Variants in EXOC6B observed in about 807,000 individuals in gnomAD.
EXOC6B encodes exocyst complex component 6B, also known as SEC15 homolog B.
Under a neutral mutation model 113.5 loss-of-function variants are expected in EXOC6B, and 54 were observed. That is an observed-to-expected ratio of 0.48 (90% CI 0.38 to 0.60). The LOEUF (loss-of-function observed/expected upper bound fraction) is 0.60. EXOC6B is among the 20% of genes least tolerant of loss of function. The probability of loss-of-function intolerance (pLI) is 0.00; values close to 1 mark genes in which losing one functional copy is unlikely to be tolerated. For synonymous variants in EXOC6B, 357 were observed against 339.0 expected, an observed-to-expected ratio of 1.05 and a Z score of -0.58; for missense variants, 797 against 977.5, an observed-to-expected ratio of 0.82 and a Z score of 2.46.
intron 5 of EXOC6B, among the ~76,000 whole-genome samples, chr2:72,729,331 AT>A (rs541588376): frequency 3.5e-4 from 52 of 149,904 alleles, no homozygotes; most frequent in East Asian, 3.3e-3. Flanking sequence ...TATACTATAT[AT>A]TTTTTTTCTT....
At chr2:72,499,629 G>A (rs1558735552) in intron 12 of EXOC6B, among the ~76,000 whole-genome samples, 1 of 151,720 alleles carries the variant, frequency 6.6e-6, no homozygotes, top group Non-Finnish European at 1.5e-5. Context: ...CTATGTTCAG[G>A]CAATCCTCTC....
At chr2:72,307,614 T>C (rs1316581164) in intron 20 of EXOC6B, among the ~76,000 whole-genome samples, 1 of 152,210 alleles carries the variant, frequency 6.6e-6, no homozygotes, top group Non-Finnish European at 1.5e-5. Flanking sequence ...GCTCTCTCAC[T>C]ACCCAGTTCA....
chr2:72,363,940 C>T (rs1487862232), intron 19 of EXOC6B, among the ~76,000 whole-genome samples: 1 of 151,912 alleles, frequency 6.6e-6, no homozygotes, highest in Admixed American at 6.6e-5. Flanking sequence ...GCATTTGGGA[C>T]CTAAGAAAAT....
intron 20 of EXOC6B, among the ~76,000 whole-genome samples, chr2:72,300,573 A>G (rs982694827): frequency 1.3e-5 from 2 of 152,196 alleles, no homozygotes; most frequent in East Asian, 3.8e-4. Flanking sequence ...GGGGTATGGA[A>G]AAAAAACTTC....
At chr2:72,713,490 G>C (rs1254184713) in intron 6 of EXOC6B, among the ~76,000 whole-genome samples, 1 of 151,740 alleles carries the variant, frequency 6.6e-6, no homozygotes, top group African/African-American at 2.4e-5. Context: ...GTGCAGGTTA[G>C]TTACATATGT....
At chr2:72,780,195 T>G (rs1317866903) in intron 1 of EXOC6B, among the ~76,000 whole-genome samples, 1 of 152,220 alleles carries the variant, frequency 6.6e-6, no homozygotes, top group Non-Finnish European at 1.5e-5. Flanking sequence ...CTGCATAACA[T>G]TTTGTATTAT....
intron 20 of EXOC6B, among the ~76,000 whole-genome samples, chr2:72,322,754 T>TAATA (rs1401444897): frequency 6.6e-6 from 1 of 152,132 alleles, no homozygotes; most frequent in Non-Finnish European, 1.5e-5. Flanking sequence ...ATTCCCTATT[T>TAATA]AATAAATGGT....
At position 72,825,196 on chromosome 2, in the gene EXOC6B, A is replaced by T. The variant is rs997925959; in HGVS notation, c.113+602T>A. Among the ~76,000 whole-genome samples the T allele has an allele frequency of 6.6e-6, 1 of 152,122 alleles. No individual in the cohort carries two copies. The highest frequency in any genetic ancestry group is 6.5e-5 in the Admixed American group (1 of 15,268). On this transcript the variant is annotated intron_variant, in intron 1 of 21. Transcript: ENST00000272427. The surrounding 1 kb of genome is among the most constrained non-coding windows in gnomAD (Gnocchi z 4.4). ...GGCGGCAGCAGGGTCAGTTTTCCCC[A>T]GCGATGAGGAGGCTGCACCGTGGGC...
At chr2:72,401,584 T>TATATATATATATAC (rs1693254278) in intron 18 of EXOC6B, among the ~76,000 whole-genome samples, 2 of 17,650 alleles carry the variant, frequency 1.1e-4, no homozygotes, top group East Asian at 9.3e-4. Context: ...TATATATACA[T>TATATATATATATAC]ATATATATAT....
At chr2:72,583,828 C>G (rs1452751947) in intron 6 of EXOC6B, among the ~76,000 whole-genome samples, 1 of 152,062 alleles carries the variant, frequency 6.6e-6, no homozygotes, top group Non-Finnish European at 1.5e-5. Flanking sequence ...TCAAGCTATT[C>G]TCATGCCTCA....
In EXOC6B at chr2:72,492,863, T is replaced by G. The variant is rs552589424; in HGVS notation, c.1554-434A>C. On this transcript the variant is annotated intron_variant, in intron 15 of 21. Coordinates refer to ENST00000272427, the MANE Select transcript of EXOC6B (RefSeq NM_015189.3). ...ATATGATGTCTTTAAATATTTTTGT[T>G]TGTTTCTTGTTGTTGCTATTATTTA... 1.2e-4 allele frequency among the ~76,000 whole-genome samples: 19 copies of G among 152,268 alleles called. 1 individual carries two copies. The highest frequency in any genetic ancestry group is 4.3e-4 in the African/African-American group (18 of 41,568).
intron 19 of EXOC6B, among the ~76,000 whole-genome samples, chr2:72,373,063 A>G (rs946330485): frequency 1.3e-5 from 2 of 149,502 alleles, no homozygotes; most frequent in Non-Finnish European, 3.0e-5. Context: ...GTCTCGGAAG[A>G]CTTTTTTTTT....
chr2:72,233,224 G>T (rs1345861171), intron 20 of EXOC6B, among the ~76,000 whole-genome samples: 1 of 152,170 alleles, frequency 6.6e-6, no homozygotes, highest in African/African-American at 2.4e-5. Context: ...ATTCAGGCAG[G>T]GTGGCAGGAG....
chr2:72,610,325 A>G (rs2104080467), intron 6 of EXOC6B, among the ~76,000 whole-genome samples: 1 of 152,344 alleles, frequency 6.6e-6, no homozygotes, highest in Admixed American at 6.5e-5. Flanking sequence ...CAAAACCACA[A>G]TTACTTTTGC....
At chr2:72,272,047 T>C (rs1291354337) in intron 20 of EXOC6B, among the ~76,000 whole-genome samples, 2 of 152,136 alleles carry the variant, frequency 1.3e-5, no homozygotes, top group African/African-American at 4.8e-5. Context: ...TTTATCAGAC[T>C]TGAGGTCAGT....
Position 72,788,239 on chromosome 2 carries a change from A to G in EXOC6B, c.113+37559T>C, listed in dbSNP as rs112558639. Among the ~76,000 whole-genome samples, 528 of 152,346 alleles carry G rather than the reference A, an allele frequency of 3.5e-3. 4 individuals are homozygous for G. The highest frequency in any genetic ancestry group is 0.012 in the African/African-American group (501 of 41,566). On this transcript the variant is annotated intron_variant, in intron 1 of 21. Transcript: ENST00000272427. ...CTTAATATGTAAAATTGATTAAAACAGGGCCTAGCACAAAGTAAGTAGTAA... is the reference window on the plus strand; with the variant it reads ...CTTAATATGTAAAATTGATTAAAACGGGGCCTAGCACAAAGTAAGTAGTAA...
intron 18 of EXOC6B, chr2:72,462,631 A>T (rs1697767736): frequency 6.6e-6 from 1 of 151,990 alleles, no homozygotes; most frequent in South Asian, 2.1e-4. Flanking sequence ...GAGTAACAGG[A>T]CTTTATCAGA....
At chr2:72,821,309 A>G (rs989430288) in intron 1 of EXOC6B, among the ~76,000 whole-genome samples, 2 of 152,184 alleles carry the variant, frequency 1.3e-5, no homozygotes, top group Admixed American at 6.5e-5. Flanking sequence ...GCAAAGTAAA[A>G]AAGATGATAA....
intron 8 of EXOC6B, among the ~76,000 whole-genome samples, chr2:72,558,037 C>CA (rs60676600): frequency 7.5e-5 from 11 of 147,552 alleles, no homozygotes; most frequent in African/African-American, 2.2e-4. Flanking sequence ...TTTATAAAAC[C>CA]AAAAAAAAAA....
Sources: gnomAD v4.1 joint callset for allele counts (sites outside exome capture counted in the v4.1 genomes callset) on GRCh38, gnomAD v4.1.1 for gene constraint, Gnocchi (gnomAD v3.1) non-coding constraint, MANE v1.5 for transcripts, NCBI Gene and HGNC (gene_info 2026-07-23, HGNC 2026-07-21) for gene names.